Variants in SLC9A7 observed in about 807,000 individuals in gnomAD.
The protein encoded by SLC9A7 is solute carrier family 9 member A7.
Under a neutral mutation model 52.6 loss-of-function variants are expected in SLC9A7, and 19 were observed. That is an observed-to-expected ratio of 0.36 (90% confidence interval 0.25 to 0.53). SLC9A7 has a LOEUF of 0.53. Ranked by LOEUF, SLC9A7 falls within the 20% of genes least tolerant of loss-of-function variation. The probability of loss-of-function intolerance (pLI) is 0.91; values close to 1 mark genes in which losing one functional copy is unlikely to be tolerated. For synonymous variants in SLC9A7, 226 were observed against 252.1 expected, an observed-to-expected ratio of 0.90 and a Z score of 0.98; for missense variants, 455 against 597.9, an observed-to-expected ratio of 0.76 and a Z score of 2.49.
chrX:46,668,293 T>C (rs1031482498), intron 5 of SLC9A7, among the ~76,000 whole-genome samples: 2 of 111,365 alleles, frequency 1.8e-5, no homozygotes, highest in Non-Finnish European at 3.8e-5. Flanking sequence ...GCGGATCACC[T>C]GAGGTTGGGA....
chrX:46,631,867 T>C (rs1943228466), intron 13 of SLC9A7, among the ~76,000 whole-genome samples: 2 of 111,694 alleles, frequency 1.8e-5, no homozygotes, highest in East Asian at 2.8e-4. Flanking sequence ...ATGAATCCCA[T>C]GTGCTCACAC....
chrX:46,759,024 C>T lies in SLC9A7; in HGVS notation c.6G>A (p.Glu2=), dbSNP rs1922924149. The change falls in exon 1 of 17, where the codon GAG becomes GAA. Residue 2 remains glutamate, a synonymous_variant. Coordinates refer to ENST00000616978, the MANE Select transcript of SLC9A7 (RefSeq NM_001257291.2). ...AGCCAGGGCGCGCCGCGTCACCAGG[C>T]TCCATGGTCCCGGGGCCCCCCGCGC... M[E]PGDAARPGSG... The T allele has an allele frequency of 1.5e-5, 14 of 949,106 alleles. No homozygotes were observed. The East Asian group carries it at 6.4e-4, about 44-fold the overall frequency. The allele number at this position is 949,106 out of a possible 1,213,427, so 78.2% of individuals were successfully genotyped here.
intron 7 of SLC9A7, among the ~76,000 whole-genome samples, chrX:46,655,342 T>C (rs987499314): frequency 1.8e-5 from 2 of 111,897 alleles, no homozygotes; most frequent in African/African-American, 6.5e-5. Flanking sequence ...TCTCATTAAT[T>C]ATTTTTATCA....
chrX:46,727,354 C>T (rs183150311), intron 1 of SLC9A7, among the ~76,000 whole-genome samples: 2 of 112,406 alleles, frequency 1.8e-5, no homozygotes, highest in Non-Finnish European at 3.8e-5. Context: ...CTCTTAAACA[C>T]TAAAAATTCA....
intron 5 of SLC9A7, among the ~76,000 whole-genome samples, chrX:46,663,896 T>C (rs1943874029): frequency 2.7e-5 from 3 of 110,853 alleles, no homozygotes; most frequent in Non-Finnish European, 3.8e-5. Flanking sequence ...GAGGCAAAGG[T>C]TGCGGTGAGC....
chrX:46,606,690 TTTTG>T lies in SLC9A7; in HGVS notation c.*258_*261del, dbSNP rs764176420. On this transcript the variant is annotated 3_prime_UTR_variant, in exon 17 of 17. Transcript: ENST00000616978. ...GAGACCATTAAAGCATGCTATTTTTTTTTGTTTGTTTAACTCTGAAACAGCGCAC... is the reference window on the plus strand; with the variant it reads ...GAGACCATTAAAGCATGCTATTTTTTTTTGTTTAACTCTGAAACAGCGCAC... 1.0e-4 allele frequency: 108 copies of T among 1,034,032 alleles called. No individual in the cohort carries two copies. The Admixed American group carries it at 3.5e-3, about 33-fold the overall frequency. The allele number at this position is 1,034,032 out of a possible 1,213,427, so 85.2% of individuals were successfully genotyped here.
Position 46,604,172 on chromosome X carries a change from C to CA in SLC9A7, c.*2779dup, listed in dbSNP as rs1942704229. The CA allele has an allele frequency of 8.9e-6, 1 of 112,525 alleles. No individual in the cohort carries two copies. Among genetic ancestry groups the CA allele is most frequent in the African/African-American group, 3.2e-5 (1 of 30,945 alleles). The allele number at this position is 112,525 out of a possible 1,213,427, so 9.3% of individuals were successfully genotyped here. ...GCACACATATAATACAGGCCTCTGC[C>CA]AGGCCTGGTAGCTGCTGTCTGCAAC... On this transcript the variant is annotated 3_prime_UTR_variant, in exon 17 of 17. Transcript: ENST00000616978.
intron 5 of SLC9A7, among the ~76,000 whole-genome samples, chrX:46,663,872 T>C (rs1203990765): frequency 9.1e-6 from 1 of 109,776 alleles, no homozygotes; most frequent in Non-Finnish European, 1.9e-5. Flanking sequence ...GGTGGGAGAA[T>C]TGCTTGAGCC....
At position 46,604,245 on chromosome X, in the gene SLC9A7, T is replaced by C. The variant is rs1316428507; in HGVS notation, c.*2707A>G. The C allele has an allele frequency of 8.9e-6, 1 of 111,912 alleles. No individual in the cohort carries two copies. The highest frequency in any genetic ancestry group is 3.3e-5 in the African/African-American group (1 of 30,747). 9.2% of individuals were successfully genotyped at this position (111,912 alleles called of 1,213,427 possible). On this transcript the variant is annotated 3_prime_UTR_variant, in exon 17 of 17. Transcript: ENST00000616978. ...TCCCTTCCAGGGGCTATGAAAGCTC[T>C]TTCTCTGGCTGTGGGGTGTAGGTCT...
chrX:46,690,665 A>G (rs1478802733), intron 1 of SLC9A7, among the ~76,000 whole-genome samples: 1 of 111,916 alleles, frequency 8.9e-6, no homozygotes, highest in East Asian at 2.8e-4. Context: ...CTCTGGTATC[A>G]TATCTAAAAA....
At position 46,661,982 on chromosome X, in the gene SLC9A7, A is replaced by T. The variant is rs1209746065; in HGVS notation, c.1041+34T>A. The T allele has an allele frequency of 4.3e-6, 5 of 1,151,397 alleles. No individual in the cohort carries two copies. The Admixed American group carries it at 8.0e-5, about 18-fold the overall frequency. The allele number at this position is 1,151,397 out of a possible 1,213,427, so 94.9% of individuals were successfully genotyped here. On this transcript the variant is annotated intron_variant, in intron 7 of 16. Coordinates refer to ENST00000616978, the MANE Select transcript of SLC9A7 (RefSeq NM_001257291.2). ...TGAAAGTGTAATGCCACACACGCAT[A>T]CCCAGGCCCGAGCTGAAACTACAAA...
chrX:46,721,962 T>C (rs1398011653), intron 1 of SLC9A7, among the ~76,000 whole-genome samples: 1 of 112,364 alleles, frequency 8.9e-6, no homozygotes, highest in Non-Finnish European at 1.9e-5. Flanking sequence ...GTATGAACTA[T>C]TAAACACATA....
intron 11 of SLC9A7, among the ~76,000 whole-genome samples, chrX:46,645,539 T>C (rs766506125): frequency 2.7e-5 from 3 of 111,281 alleles, no homozygotes; most frequent in Admixed American, 9.6e-5. Flanking sequence ...CAATGGGCAA[T>C]TCTGATGTAA....
intron 13 of SLC9A7, 113 bp from the exon 14 acceptor site, chrX:46,631,762 A>T (rs1943226585): frequency 7.3e-6 from 4 of 551,592 alleles, no homozygotes; most frequent in Non-Finnish European, 1.2e-5. Flanking sequence ...CCGAAGCATA[A>T]GGAGTGGTTA....
chrX:46,631,087 G>A (rs1277993885), intron 14 of SLC9A7, among the ~76,000 whole-genome samples: 1 of 112,071 alleles, frequency 8.9e-6, no homozygotes, highest in African/African-American at 3.2e-5. Context: ...TCCCACCTGG[G>A]GCCGTGGACT....
chrX:46,725,351 T>C, intron 1 of SLC9A7: 2 of 1,185,969 alleles, frequency 1.7e-6, no homozygotes, highest in Non-Finnish European at 2.3e-6. Context: ...CATCCAGTTC[T>C]GGTGTGCCAT....
intron 12 of SLC9A7, among the ~76,000 whole-genome samples, chrX:46,636,491 G>A (rs1191031400): frequency 9.1e-6 from 1 of 109,540 alleles, no homozygotes; most frequent in Non-Finnish European, 1.9e-5. Flanking sequence ...CTCTGGTTGT[G>A]GCCAACTAAA....
intron 1 of SLC9A7, among the ~76,000 whole-genome samples, chrX:46,689,185 T>TTTTTG (rs763384894): frequency 5.3e-4 from 60 of 112,159 alleles, no homozygotes; most frequent in Admixed American, 1.3e-3. Context: ...CAACCACTGC[T>TTTTTG]TTTTGTTTTG....
At chrX:46,658,366 T>A (rs1943745237) in intron 7 of SLC9A7, among the ~76,000 whole-genome samples, 3 of 100,663 alleles carry the variant, frequency 3.0e-5, no homozygotes, top group African/African-American at 1.1e-4. Context: ...AAGAAATAAC[T>A]AAAATCAGAG....
Sources: gnomAD v4.1 joint callset for allele counts (sites outside exome capture counted in the v4.1 genomes callset) on GRCh38, gnomAD v4.1.1 for gene constraint, MANE v1.5 for transcripts, NCBI Gene and HGNC (gene_info 2026-07-23, HGNC 2026-07-21) for gene names.